INSYN2B: variants seen among roughly 807,000 people sequenced by gnomAD.
INSYN2B encodes the protein protein INSYN2B.
Under a neutral mutation model 41.2 loss-of-function variants are expected in INSYN2B, and 16 were observed. That is an observed-to-expected ratio of 0.39 (90% CI 0.26 to 0.59). The LOEUF is 0.59. Ranked by LOEUF, INSYN2B falls within the 20% of genes least tolerant of loss-of-function variation. INSYN2B has a pLI of 0.57. For missense variants in INSYN2B, 608 were observed against 646.4 expected (o/e 0.94, Z 0.64); for synonymous variants, 245 against 244.4 (o/e 1.00, Z -0.02).
intron 1 of INSYN2B, among the ~76,000 whole-genome samples, chr5:169,972,530 G>A (rs1777542670): frequency 6.8e-6 from 1 of 147,804 alleles, no homozygotes; most frequent in African/African-American, 2.6e-5. Context: ...CCAGTTAAGA[G>A]CCACTGTGAG....
chr5:169,956,829 C>A (rs1776885097), intron 1 of INSYN2B, among the ~76,000 whole-genome samples: 2 of 152,106 alleles, frequency 1.3e-5, no homozygotes, highest in Non-Finnish European at 2.9e-5. Flanking sequence ...TTTCAAGGTT[C>A]CTTTCAGACC....
At chr5:169,906,863 G>C (rs1448015673) in intron 1 of INSYN2B, among the ~76,000 whole-genome samples, 1 of 152,234 alleles carries the variant, frequency 6.6e-6, no homozygotes, top group Non-Finnish European at 1.5e-5. Flanking sequence ...AGCCGCCTCT[G>C]TCCTGCTGGA....
At position 169,882,819 on chromosome 5, in the gene INSYN2B, G is replaced by A. The variant is rs1386788440; in HGVS notation, c.1080C>T (p.Asn360=). 6.4e-7 allele frequency: 1 copy of A among 1,550,924 alleles called. No individual in the cohort carries two copies. The highest frequency in any genetic ancestry group is 8.7e-7 in the Non-Finnish European group (1 of 1,146,478). The change falls in exon 2 of 4, where the codon AAC becomes AAT. Residue 360 remains asparagine, a synonymous_variant. Transcript: ENST00000377365. ...SAPGCQEQTA[N]NPTESDTLEF... ...CCAGTGTGTCTGACTCGGTGGGGTT[G>A]TTTGCCGTCTGCTCCTGACACCCAG...
chr5:169,864,040 G>A lies in INSYN2B; in HGVS notation c.*233C>T, dbSNP rs187685993. On this transcript the variant is annotated 3_prime_UTR_variant, in exon 4 of 4. Coordinates refer to ENST00000377365, the MANE Select transcript of INSYN2B (RefSeq NM_001129891.3). ...GAGTGTGACAGGGAACTTGGCAAGC[G>A]GTCACTCTAGTGTCCGTGAAGCCCT... Among the ~76,000 whole-genome samples, 36 of 152,246 alleles carry A rather than the reference G, an allele frequency of 2.4e-4. No individual in the cohort carries two copies. Among genetic ancestry groups the A allele is most frequent in the Non-Finnish European group, 3.8e-4 (26 of 68,016 alleles).
chr5:169,901,115 G>A (rs1443181153), intron 1 of INSYN2B, among the ~76,000 whole-genome samples: 1 of 152,194 alleles, frequency 6.6e-6, no homozygotes, highest in East Asian at 1.9e-4. Flanking sequence ...TGTGGGTAAG[G>A]GAAGTGCCTT....
At chr5:169,864,519 C>T in intron 3 of INSYN2B, 60 bp from the exon 4 acceptor site, 11 of 1,269,044 alleles carry the variant, frequency 8.7e-6, no homozygotes, top group Non-Finnish European at 8.6e-6. Context: ...ACTGATTAAG[C>T]ATCTCTCAGC....
chr5:169,936,532 A>T (rs1776004906), intron 1 of INSYN2B, among the ~76,000 whole-genome samples: 1 of 148,262 alleles, frequency 6.7e-6, no homozygotes, highest in African/African-American at 2.5e-5. Flanking sequence ...TCCTGTGTGT[A>T]TTTCGATGGG....
chr5:169,893,787 T>A (rs1773433585), intron 1 of INSYN2B, among the ~76,000 whole-genome samples: 1 of 152,202 alleles, frequency 6.6e-6, no homozygotes, highest in Non-Finnish European at 1.5e-5. Flanking sequence ...AGGCCACTTC[T>A]AAGTTATTTT....
chr5:169,949,298 A>T (rs1561845468), intron 1 of INSYN2B, among the ~76,000 whole-genome samples: 1 of 152,094 alleles, frequency 6.6e-6, no homozygotes, highest in East Asian at 1.9e-4. Context: ...CCCAGGAGGG[A>T]GATCATAATA....
chr5:169,883,912 G>A lies in INSYN2B; in HGVS notation c.-14C>T, dbSNP rs938936526. 3 of 1,492,290 alleles carry A rather than the reference G, an allele frequency of 2.0e-6. No homozygotes were observed. In the African/African-American group the frequency reaches 4.2e-5, roughly 21 times the overall value. 92.4% of individuals were successfully genotyped at this position (1,492,290 alleles called of 1,614,324 possible). The stretch of plus-strand genomic sequence containing the variant: ...TTGCTGGGCCATTGAGCCTCAGTGG[G>A]AAGGATCAGGACCATACACTTCTCC... On this transcript the variant is annotated 5_prime_UTR_variant, in exon 2 of 4. Transcript: ENST00000377365.
At chr5:169,949,296 G>T (rs899153261) in intron 1 of INSYN2B, among the ~76,000 whole-genome samples, 1 of 152,120 alleles carries the variant, frequency 6.6e-6, no homozygotes, top group Non-Finnish European at 1.5e-5. Context: ...TTCCCAGGAG[G>T]GAGATCATAA....
intron 1 of INSYN2B, among the ~76,000 whole-genome samples, chr5:169,970,065 T>C (rs1425503719): frequency 6.6e-6 from 1 of 152,212 alleles, no homozygotes; most frequent in East Asian, 1.9e-4. Context: ...AAGTGAAGCC[T>C]CCCATGTCCC....
intron 1 of INSYN2B, among the ~76,000 whole-genome samples, chr5:169,976,652 G>T (rs1259491858): frequency 6.6e-6 from 1 of 152,020 alleles, no homozygotes; most frequent in Non-Finnish European, 1.5e-5. Flanking sequence ...CTCCAACCAG[G>T]ATCAGAAGGT....
intron 1 of INSYN2B, among the ~76,000 whole-genome samples, chr5:169,901,967 G>A (rs1048072760): frequency 1.3e-5 from 2 of 152,148 alleles, no homozygotes; most frequent in Admixed American, 6.5e-5. Flanking sequence ...CATGAGTGGT[G>A]TACACCATAC....
rs116986775 is a variant in INSYN2B at position 169,945,257 on chromosome 5, G to A, written c.-919+35020C>T. ...AGGACTGTGTTATCATTCATACAAC[G>A]GGTCAATAATACCATACTAACGCCT... On this transcript the variant is annotated intron_variant, in intron 1 of 3. Coordinates refer to ENST00000377365, the MANE Select transcript of INSYN2B (RefSeq NM_001129891.3). Among the ~76,000 whole-genome samples the A allele has an allele frequency of 1.0e-3, 158 of 152,322 alleles. 5 individuals are homozygous for A. The East Asian group carries it at 0.029, about 28-fold the overall frequency.
intron 1 of INSYN2B, among the ~76,000 whole-genome samples, chr5:169,910,753 G>A (rs898152003): frequency 6.6e-6 from 1 of 152,210 alleles, no homozygotes; most frequent in Non-Finnish European, 1.5e-5. Flanking sequence ...TTGGACTGAT[G>A]ACTAAACTTT....
chr5:169,871,355 G>C lies in INSYN2B; in HGVS notation c.1422-6896C>G, dbSNP rs140262424. The stretch of plus-strand genomic sequence containing the variant: ...AGAGTACCTGGGCCACATTAGATTA[G>C]GATACATGGTAATTTAAATGGGCAA... On this transcript the variant is annotated intron_variant, in intron 3 of 3. Coordinates refer to ENST00000377365, the MANE Select transcript of INSYN2B (RefSeq NM_001129891.3). Among the ~76,000 whole-genome samples the C allele has an allele frequency of 2.5e-4, 38 of 152,234 alleles. No individual in the cohort carries two copies. The East Asian group carries it at 7.1e-3, about 29-fold the overall frequency.
At chr5:169,942,900 A>G (rs969987151) in intron 1 of INSYN2B, among the ~76,000 whole-genome samples, 3 of 152,246 alleles carry the variant, frequency 2.0e-5, no homozygotes, top group Non-Finnish European at 4.4e-5. Context: ...CTCAGCTGAA[A>G]TAAAGAATGA....
chr5:169,871,509 C>T (rs916478146), intron 3 of INSYN2B, among the ~76,000 whole-genome samples: 1 of 152,152 alleles, frequency 6.6e-6, no homozygotes, highest in Non-Finnish European at 1.5e-5. Context: ...ATAATATTAC[C>T]TTCATTTTAT....
Sources: gnomAD v4.1 joint callset for allele counts (sites outside exome capture counted in the v4.1 genomes callset) on GRCh38, gnomAD v4.1.1 for gene constraint, MANE v1.5 for transcripts, NCBI Gene and HGNC (gene_info 2026-07-23, HGNC 2026-07-21) for gene names.